LRMDA: variants seen among roughly 807,000 people sequenced by gnomAD.
LRMDA encodes the protein leucine-rich melanocyte differentiation-associated protein.
Under a neutral mutation model 29.8 loss-of-function variants are expected in LRMDA, and 18 were observed. That is an observed-to-expected ratio of 0.60 (90% CI 0.42 to 0.90). The LOEUF is 0.90. LRMDA is among the 40% of genes least tolerant of loss of function. The pLI is 0.00. For missense variants in LRMDA, 273 were observed against 273.9 expected (o/e 1.00, Z 0.02); for synonymous variants, 125 against 109.4 (o/e 1.14, Z -0.89).
intron 5 of LRMDA, among the ~76,000 whole-genome samples, chr10:76,165,697 A>G (rs1030702163): frequency 2.0e-5 from 3 of 152,220 alleles, no homozygotes; most frequent in African/African-American, 7.2e-5. Flanking sequence ...GAGAAGAATG[A>G]GTGAAGGAGG....
intron 5 of LRMDA, among the ~76,000 whole-genome samples, chr10:76,317,787 G>C (rs1023629740): frequency 2.6e-5 from 4 of 152,028 alleles, no homozygotes; most frequent in African/African-American, 9.7e-5. Flanking sequence ...TTGGTCAGGT[G>C]GATCTCAGAC....
chr10:76,305,524 A>G (rs1430778067), intron 5 of LRMDA, among the ~76,000 whole-genome samples: 2 of 152,172 alleles, frequency 1.3e-5, no homozygotes, highest in East Asian at 1.9e-4. Context: ...TTTGTCAGTG[A>G]CTGAGTCCCT....
intron 2 of LRMDA, among the ~76,000 whole-genome samples, chr10:76,021,578 G>T (rs1214941474): frequency 6.6e-6 from 1 of 152,140 alleles, no homozygotes; most frequent in Admixed American, 6.5e-5. Context: ...GAAATAATTT[G>T]CTGCCTGCTT....
chr10:75,516,945 A>G (rs561842805), intron 2 of LRMDA, among the ~76,000 whole-genome samples: 27 of 152,268 alleles, frequency 1.8e-4, no homozygotes, highest in African/African-American at 6.3e-4. Context: ...AGCACCATTT[A>G]TGAAATAGGG....
At chr10:76,157,764 G>A (rs1328574063) in intron 5 of LRMDA, among the ~76,000 whole-genome samples, 1 of 151,914 alleles carries the variant, frequency 6.6e-6, no homozygotes, top group Non-Finnish European at 1.5e-5. Flanking sequence ...TAGCAATGGG[G>A]ATACATTCTG....
chr10:76,415,150 A>G (rs2132513127), intron 6 of LRMDA, among the ~76,000 whole-genome samples: 1 of 152,352 alleles, frequency 6.6e-6, no homozygotes, highest in South Asian at 2.1e-4. Flanking sequence ...TCAGTTGAGC[A>G]TGTCTTCAAT....
At chr10:76,022,356 T>C (rs1443186715) in intron 2 of LRMDA, among the ~76,000 whole-genome samples, 2 of 152,222 alleles carry the variant, frequency 1.3e-5, no homozygotes, top group Non-Finnish European at 2.9e-5. Context: ...GATTGACTCA[T>C]GGGCACAGCT....
intron 6 of LRMDA, among the ~76,000 whole-genome samples, chr10:76,376,119 A>G (rs1182083024): frequency 1.3e-5 from 2 of 152,066 alleles, no homozygotes; most frequent in Non-Finnish European, 2.9e-5. Flanking sequence ...ATCATTCCCA[A>G]TAGGTAATTT....
intron 2 of LRMDA, among the ~76,000 whole-genome samples, chr10:75,690,357 T>G (rs1842129818): frequency 6.6e-6 from 1 of 152,194 alleles, no homozygotes; most frequent in Admixed American, 6.5e-5. Context: ...CCAGGTTGGA[T>G]GCAGTGGCGT....
intron 2 of LRMDA, chr10:75,742,637 C>G (rs1842843807): frequency 6.6e-6 from 1 of 152,268 alleles, no homozygotes; most frequent in East Asian, 1.9e-4. Flanking sequence ...TCCCTGCCTA[C>G]AGCAAGCCTT....
intron 5 of LRMDA, among the ~76,000 whole-genome samples, chr10:76,274,241 C>T (rs73289032): frequency 0.065 from 9,855 of 152,116 alleles, 873 homozygotes; most frequent in African/African-American, 0.2. Flanking sequence ...CATATTTCCT[C>T]CATTTAGTTA....
chr10:75,476,476 C>G, intron 2 of LRMDA, among the ~76,000 whole-genome samples: 1 of 152,164 alleles, frequency 6.6e-6, no homozygotes, highest in East Asian at 1.9e-4. Flanking sequence ...CTAGGTTCAC[C>G]TCTGAGTTCA....
At chr10:75,514,489 C>A (rs1845266725) in intron 2 of LRMDA, among the ~76,000 whole-genome samples, 1 of 152,018 alleles carries the variant, frequency 6.6e-6, no homozygotes, top group African/African-American at 2.4e-5. Context: ...GGAGATATGT[C>A]CCCTCCAAAT....
chr10:76,407,476 A>G (rs1440988144), intron 6 of LRMDA, among the ~76,000 whole-genome samples: 1 of 152,228 alleles, frequency 6.6e-6, no homozygotes, highest in Non-Finnish European at 1.5e-5. Flanking sequence ...ACCAGTTTTC[A>G]TCCAATGCAA....
chr10:75,995,271 AC>A (rs1222253447), intron 2 of LRMDA, among the ~76,000 whole-genome samples: 1 of 152,186 alleles, frequency 6.6e-6, no homozygotes, highest in Non-Finnish European at 1.5e-5. Flanking sequence ...CAGGTGAAGT[AC>A]TTGCAGCTGC....
At chr10:75,843,255 C>T (rs1463410232) in intron 2 of LRMDA, among the ~76,000 whole-genome samples, 1 of 152,174 alleles carries the variant, frequency 6.6e-6, no homozygotes, top group African/African-American at 2.4e-5. Context: ...AATCTCTGAA[C>T]ATGTCTTAAT....
intron 2 of LRMDA, among the ~76,000 whole-genome samples, chr10:75,554,828 G>A (rs542333040): frequency 3.0e-4 from 46 of 152,266 alleles, no homozygotes; most frequent in African/African-American, 9.6e-4. Context: ...TAATACTTTC[G>A]TTAAAGGATG....
At chr10:75,646,619 A>G (rs913645012) in intron 2 of LRMDA, among the ~76,000 whole-genome samples, 2 of 152,192 alleles carry the variant, frequency 1.3e-5, no homozygotes, top group South Asian at 2.1e-4. Flanking sequence ...ATGTGATTCC[A>G]TTTCACTAAA....
intron 2 of LRMDA, among the ~76,000 whole-genome samples, chr10:75,993,109 G>T (rs1847400341): frequency 6.6e-6 from 1 of 152,148 alleles, no homozygotes; most frequent in African/African-American, 2.4e-5. Flanking sequence ...GCTCTTCTCT[G>T]CATGGTGCAG....
Sources: allele counts gnomAD v4.1 joint callset (sites outside exome capture counted in the v4.1 genomes callset), GRCh38; gene constraint gnomAD v4.1.1; transcripts MANE v1.5; gene names NCBI Gene and HGNC (gene_info 2026-07-23, HGNC 2026-07-21).